DCC: variants seen among roughly 807,000 people sequenced by gnomAD.
The protein encoded by DCC is netrin receptor DCC.
A neutral mutation model predicts 172.5 loss-of-function variants in DCC; 58 were observed. The ratio of observed to expected loss-of-function variants is 0.34; its 90% CI spans 0.27 to 0.42. The LOEUF (loss-of-function observed/expected upper bound fraction) is 0.42, where lower values mean the gene tolerates loss of function less well. Ranked by LOEUF, DCC falls within the 10% of genes least tolerant of loss-of-function variation. The pLI is 1.00. For missense variants in DCC, 1,740 were observed against 1,791.0 expected (o/e 0.97, Z 0.51); for synonymous variants, 709 against 644.5 (o/e 1.10, Z -1.52).
intron 5 of DCC, among the ~76,000 whole-genome samples, chr18:53,031,179 A>G (rs1313888654): frequency 6.6e-6 from 1 of 152,166 alleles, no homozygotes; most frequent in Non-Finnish European, 1.5e-5. Context: ...GAATTGCATG[A>G]ACCTGGGAGG....
At chr18:53,382,096 A>ATG (rs34248164) in intron 15 of DCC, among the ~76,000 whole-genome samples, 37 of 85,574 alleles carry the variant, frequency 4.3e-4, no homozygotes, top group African/African-American at 1.0e-3. Flanking sequence ...ACACACACAC[A>ATG]CACACACACC....
At chr18:52,580,928 G>A (rs113760400) in intron 1 of DCC, among the ~76,000 whole-genome samples, 1 of 152,072 alleles carries the variant, frequency 6.6e-6, no homozygotes, top group East Asian at 1.9e-4. Flanking sequence ...CACATTCAGG[G>A]TTTTTTAAAT....
At chr18:53,051,871 C>G (rs895315501) in intron 5 of DCC, among the ~76,000 whole-genome samples, 8 of 152,110 alleles carry the variant, frequency 5.3e-5, no homozygotes, top group African/African-American at 1.9e-4. Flanking sequence ...GTCTTTCAAT[C>G]TGAAAATTTA....
intron 1 of DCC, among the ~76,000 whole-genome samples, chr18:52,690,005 C>T (rs2035906507): frequency 6.6e-6 from 1 of 152,112 alleles, no homozygotes; most frequent in African/African-American, 2.4e-5. Context: ...ATAAATGTGA[C>T]ATATTCATTC....
chr18:53,106,064 C>T (rs538575264), intron 7 of DCC, among the ~76,000 whole-genome samples: 303 of 151,820 alleles, frequency 2.0e-3, no homozygotes, highest in Middle Eastern at 6.8e-3. Context: ...GTGGCAGTTT[C>T]ATGGGTATAT....
chr18:52,478,132 G>T (rs566320653), intron 1 of DCC, among the ~76,000 whole-genome samples: 7 of 152,022 alleles, frequency 4.6e-5, no homozygotes, highest in Admixed American at 1.3e-4. Context: ...GTATATCCTG[G>T]GTTACAATCC....
At chr18:53,138,313 C>G (rs139364433) in intron 7 of DCC, among the ~76,000 whole-genome samples, 36 of 152,208 alleles carry the variant, frequency 2.4e-4, no homozygotes, top group African/African-American at 8.2e-4. Flanking sequence ...CTATAATTTG[C>G]AAAATGAATC....
At chr18:53,493,847 G>A (rs1020596497) in intron 26 of DCC, among the ~76,000 whole-genome samples, 3 of 151,790 alleles carry the variant, frequency 2.0e-5, no homozygotes, top group African/African-American at 7.3e-5. Flanking sequence ...TCTGATCTTA[G>A]TTATTTCTTG....
At chr18:52,612,879 G>C (rs1003020015) in intron 1 of DCC, among the ~76,000 whole-genome samples, 2 of 152,138 alleles carry the variant, frequency 1.3e-5, no homozygotes, top group Non-Finnish European at 2.9e-5. Flanking sequence ...CACTTCTGTC[G>C]AAGAGAAACT....
At chr18:53,147,420 G>A (rs1227954283) in intron 7 of DCC, among the ~76,000 whole-genome samples, 1 of 152,118 alleles carries the variant, frequency 6.6e-6, no homozygotes, top group East Asian at 1.9e-4. Context: ...GTTTTGCAGT[G>A]ACTTCATAAC....
At chr18:52,677,731 GA>G (rs1301659626) in intron 1 of DCC, among the ~76,000 whole-genome samples, 2 of 151,912 alleles carry the variant, frequency 1.3e-5, no homozygotes, top group Non-Finnish European at 2.9e-5. Flanking sequence ...AAATAGAGAA[GA>G]AAAAAAATTT....
intron 7 of DCC, among the ~76,000 whole-genome samples, chr18:53,108,019 A>G (rs1421002871): frequency 3.3e-5 from 5 of 151,832 alleles, no homozygotes; most frequent in Non-Finnish European, 1.5e-5. Flanking sequence ...CGAGAAAAAT[A>G]AATTAACTTT....
chr18:53,279,837 G>C (rs1412915251), intron 12 of DCC, among the ~76,000 whole-genome samples: 1 of 152,032 alleles, frequency 6.6e-6, no homozygotes, highest in Non-Finnish European at 1.5e-5. Context: ...CGCAGGAACA[G>C]AAAACCAAAT....
At chr18:52,737,473 A>G (rs1264051697) in intron 1 of DCC, among the ~76,000 whole-genome samples, 1 of 152,218 alleles carries the variant, frequency 6.6e-6, no homozygotes, top group Admixed American at 6.5e-5. Flanking sequence ...AGATTAAAAC[A>G]CACTTAGTAA....
At chr18:52,783,893 T>C (rs9949295) in intron 2 of DCC, among the ~76,000 whole-genome samples, 9,127 of 152,040 alleles carry the variant, frequency 0.06, 357 homozygotes, top group South Asian at 0.16. Flanking sequence ...ATGATCAAAT[T>C]GGGGTATTTA....
chr18:52,499,969 G>A (rs929505069), intron 1 of DCC, among the ~76,000 whole-genome samples: 1 of 152,096 alleles, frequency 6.6e-6, no homozygotes, highest in African/African-American at 2.4e-5. Flanking sequence ...TGCTTTGCAG[G>A]CCGTTGGCTG....
chr18:53,425,842 C>T (rs1490606282), intron 21 of DCC, among the ~76,000 whole-genome samples: 1 of 152,026 alleles, frequency 6.6e-6, no homozygotes, highest in Non-Finnish European at 1.5e-5. Context: ...TTAATATTGC[C>T]ATATTTATTG....
intron 12 of DCC, among the ~76,000 whole-genome samples, chr18:53,277,949 T>C (rs1458677174): frequency 6.6e-6 from 1 of 152,204 alleles, no homozygotes; most frequent in African/African-American, 2.4e-5. Flanking sequence ...GATTTTGCTG[T>C]TATTTGATAA....
At chr18:53,434,597 G>A (rs1189330663) in intron 21 of DCC, among the ~76,000 whole-genome samples, 2 of 152,128 alleles carry the variant, frequency 1.3e-5, no homozygotes, top group Non-Finnish European at 1.5e-5. Flanking sequence ...CAGACCATAT[G>A]GTTTGTGACA....
Sources: allele counts gnomAD v4.1 joint callset (sites outside exome capture counted in the v4.1 genomes callset), GRCh38; gene constraint gnomAD v4.1.1; transcripts MANE v1.5; gene names NCBI Gene and HGNC (gene_info 2026-07-23, HGNC 2026-07-21).